The following TMSB15B variants were observed in gnomAD, a reference collection of about 807,000 sequenced individuals.
The protein encoded by TMSB15B is thymosin beta 15B, also known as thymosin beta-15B.
intron 1 of TMSB15B, among the ~76,000 whole-genome samples, chrX:103,921,790 A>G (rs2074953975): frequency 8.9e-6 from 1 of 112,340 alleles, no homozygotes. Flanking sequence ...ATCTCATTTA[A>G]GCTTCCCAGC....
At position 103,945,153 on chromosome X, in the gene TMSB15B, G is replaced by A. The variant is rs529873964; in HGVS notation, c.-720-16868G>A. Among the ~76,000 whole-genome samples, 91 of 112,733 alleles carry A rather than the reference G, an allele frequency of 8.1e-4. No individual in the cohort carries two copies. The South Asian group carries it at 0.032, about 40-fold the overall frequency. The stretch of plus-strand genomic sequence containing the variant: ...CATTTTGTAAATTCCTTGAGAGCAG[G>A]CACTTTATTTACAATTGTATACCTC... On this transcript the variant is annotated intron_variant, in intron 1 of 3. Coordinates refer to the TMSB15B transcript ENST00000419165.
intron 1 of TMSB15B, among the ~76,000 whole-genome samples, chrX:103,941,408 T>C (rs1205963920): frequency 9.0e-6 from 1 of 111,617 alleles, no homozygotes; most frequent in Non-Finnish European, 1.9e-5. Context: ...AGTGCTATTT[T>C]TAGTTTTTTG....
chrX:103,928,413 C>G (rs2147817803), intron 1 of TMSB15B: 1 of 1,207,628 alleles, frequency 8.3e-7, no homozygotes, highest in African/African-American at 1.8e-5. Context: ...TGTGCTTTCT[C>G]TCTCCTGTTG....
At chrX:103,924,646 A>G (rs1556318493) in intron 1 of TMSB15B, among the ~76,000 whole-genome samples, 1 of 111,749 alleles carries the variant, frequency 8.9e-6, no homozygotes, top group Non-Finnish European at 1.9e-5. Context: ...TGGATGATCA[A>G]TACATGTTTG....
chrX:103,933,091 TA>T (rs1556320229), intron 1 of TMSB15B, among the ~76,000 whole-genome samples: 1 of 112,184 alleles, frequency 8.9e-6, no homozygotes, highest in African/African-American at 3.2e-5. Flanking sequence ...TTTTACAACT[TA>T]TTTTTAAACA....
intron 1 of TMSB15B, among the ~76,000 whole-genome samples, chrX:103,953,737 A>G (rs1422741103): frequency 1.8e-5 from 2 of 112,058 alleles, no homozygotes; most frequent in Non-Finnish European, 3.8e-5. Context: ...GGACCTCCCA[A>G]CCGGGGCCTC....
At chrX:103,934,669 C>T (rs2074992870) in intron 1 of TMSB15B, among the ~76,000 whole-genome samples, 1 of 111,819 alleles carries the variant, frequency 8.9e-6, no homozygotes, top group Non-Finnish European at 1.9e-5. Flanking sequence ...AAGACATTAA[C>T]TCATTCTTTT....
At chrX:103,920,606 T>C (rs782566955) in intron 1 of TMSB15B, among the ~76,000 whole-genome samples, 86 of 112,775 alleles carry the variant, frequency 7.6e-4, no homozygotes, top group African/African-American at 1.8e-3. Flanking sequence ...TTCTTCTGAG[T>C]CCACAGCTTT....
chrX:103,930,301 C>G (rs1261668782), intron 1 of TMSB15B, among the ~76,000 whole-genome samples: 1 of 111,241 alleles, frequency 9.0e-6, no homozygotes, highest in Non-Finnish European at 1.9e-5. Context: ...CCTCGAAGCC[C>G]AGCTCAGAGG....
At chrX:103,944,933 A>G (rs781949262) in intron 1 of TMSB15B, among the ~76,000 whole-genome samples, 1 of 111,364 alleles carries the variant, frequency 9.0e-6, no homozygotes, top group Non-Finnish European at 1.9e-5. Context: ...ATGCACCACC[A>G]TGCCCCGCTG....
In TMSB15B at chrX:103,933,029, ATAAC is replaced by A. The variant is rs201452457; in HGVS notation, c.-721+13741_-721+13744del. 3.0e-3 allele frequency: 333 copies of A among 112,011 alleles called. 2 individuals carry two copies. The highest frequency in any genetic ancestry group is 0.01 in the African/African-American group (319 of 30,969). 9.2% of individuals were successfully genotyped at this position (112,011 alleles called of 1,213,427 possible). A position where few individuals can be genotyped will look rare whatever the true frequency, so the allele number is the denominator to read the frequency against. On this transcript the variant is annotated intron_variant, in intron 1 of 3. Coordinates refer to the TMSB15B transcript ENST00000419165. The stretch of plus-strand genomic sequence containing the variant: ...TCTAGAGCTCAAGTTGAAATAATAA[ATAAC>A]TAATGTTTTATGACAAATCATTATA...
chrX:103,944,970 G>T (rs1382053904), intron 1 of TMSB15B, among the ~76,000 whole-genome samples: 2 of 111,343 alleles, frequency 1.8e-5, no homozygotes, highest in African/African-American at 6.5e-5. Flanking sequence ...TAAAAACGAG[G>T]TTTCACCATG....
intron 1 of TMSB15B, chrX:103,931,291 C>T (rs2074984239): frequency 8.9e-6 from 1 of 112,250 alleles, no homozygotes; most frequent in Non-Finnish European, 1.9e-5. Flanking sequence ...ACTTATGTCA[C>T]TCTGTACATC....
chrX:103,948,044 CG>C (rs1164466421), intron 1 of TMSB15B, among the ~76,000 whole-genome samples: 1 of 110,418 alleles, frequency 9.1e-6, no homozygotes, highest in Non-Finnish European at 1.9e-5. Context: ...TGTCGGGGAG[CG>C]GGGGGCAAGG....
chrX:103,933,276 A>G (rs1556320263), intron 1 of TMSB15B, among the ~76,000 whole-genome samples: 1 of 111,436 alleles, frequency 9.0e-6, no homozygotes, highest in Non-Finnish European at 1.9e-5. Flanking sequence ...TCACTCTCCA[A>G]TGTCTCTGGT....
intron 1 of TMSB15B, among the ~76,000 whole-genome samples, chrX:103,942,283 G>T (rs1477401211): frequency 1.8e-5 from 2 of 111,503 alleles, no homozygotes; most frequent in East Asian, 5.5e-4. Context: ...ACTTGGAATT[G>T]ATTTTCATGT....
chrX:103,923,913 C>T (rs782286930), intron 1 of TMSB15B, among the ~76,000 whole-genome samples: 1 of 111,416 alleles, frequency 9.0e-6, no homozygotes, highest in South Asian at 3.8e-4. Flanking sequence ...TGAAGAGGTC[C>T]TTCACATCCC....
chrX:103,952,094 G>C (rs2075040445), intron 1 of TMSB15B, among the ~76,000 whole-genome samples: 1 of 111,251 alleles, frequency 9.0e-6, no homozygotes, highest in Non-Finnish European at 1.9e-5. Flanking sequence ...TTTTGAGATG[G>C]GGGTTTTGCT....
At chrX:103,925,719 G>C (rs1406601117) in intron 1 of TMSB15B, among the ~76,000 whole-genome samples, 2 of 112,245 alleles carry the variant, frequency 1.8e-5, no homozygotes, top group Admixed American at 1.9e-4. Flanking sequence ...CCTTTCTGGG[G>C]TTGGTACAAT....
Sources: allele counts gnomAD v4.1 joint callset (sites outside exome capture counted in the v4.1 genomes callset), GRCh38; gene constraint gnomAD v4.1.1; transcripts MANE v1.5; gene names NCBI Gene and HGNC (gene_info 2026-07-23, HGNC 2026-07-21).